ZNF532: variants seen among roughly 807,000 people sequenced by gnomAD.
ZNF532 encodes zinc finger protein 532.
A neutral mutation model predicts 89.3 loss-of-function variants in ZNF532; 22 were observed. The ratio of observed to expected loss-of-function variants is 0.25; its 90% CI spans 0.18 to 0.35. The LOEUF is 0.35. Among genes scored for constraint, ZNF532 ranks in the 10% least tolerant of loss-of-function variants. The pLI is 1.00. For missense variants in ZNF532, 1,132 were observed against 1,643.4 expected, an observed-to-expected ratio of 0.69 and a Z score of 5.38; for synonymous variants, 606 against 649.6, an observed-to-expected ratio of 0.93 and a Z score of 1.02.
chr18:58,915,703 C>T (rs2060552765), intron 2 of ZNF532, among the ~76,000 whole-genome samples: 1 of 152,226 alleles, frequency 6.6e-6, no homozygotes, highest in South Asian at 2.1e-4. Flanking sequence ...CCATATTAAC[C>T]TTCCCAGGGT....
At chr18:58,927,213 C>G (rs927264665) in intron 3 of ZNF532, among the ~76,000 whole-genome samples, 6 of 152,152 alleles carry the variant, frequency 3.9e-5, no homozygotes, top group Non-Finnish European at 7.3e-5. Flanking sequence ...TTTACCTTTG[C>G]TACTGGGCTT....
intron 7 of ZNF532, chr18:58,954,122 C>T: frequency 2.0e-6 from 2 of 1,004,026 alleles, no homozygotes; most frequent in Non-Finnish European, 2.4e-6. Flanking sequence ...TTTGAATTTA[C>T]CTCTATCCTT....
intron 2 of ZNF532, among the ~76,000 whole-genome samples, chr18:58,902,012 ACAGCGGTTTCTC>A (rs1439814120): frequency 6.6e-6 from 1 of 152,092 alleles, no homozygotes; most frequent in Non-Finnish European, 1.5e-5. Context: ...CTTCTCTCTA[ACAGCGGTTTCTC>A]CATGCCTGTT....
At chr18:58,959,206 G>A (rs1411639058) in intron 7 of ZNF532, among the ~76,000 whole-genome samples, 3 of 151,462 alleles carry the variant, frequency 2.0e-5, no homozygotes, top group Admixed American at 6.6e-5. Flanking sequence ...GCTGAATTAC[G>A]GAACTCTGGT....
intron 2 of ZNF532, chr18:58,916,594 G>A (rs191283059): frequency 7.9e-5 from 37 of 469,136 alleles, no homozygotes; most frequent in East Asian, 1.5e-4. Flanking sequence ...TCTTCAGCTC[G>A]GTATTAACCG....
intron 3 of ZNF532, among the ~76,000 whole-genome samples, chr18:58,921,177 C>T (rs2061050095): frequency 6.6e-6 from 1 of 151,212 alleles, no homozygotes; most frequent in Non-Finnish European, 1.5e-5. Flanking sequence ...TATATATATA[C>T]TAGTTGAGTT....
chr18:58,927,213 C>T (rs927264665), intron 3 of ZNF532, among the ~76,000 whole-genome samples: 1 of 152,152 alleles, frequency 6.6e-6, no homozygotes, highest in African/African-American at 2.4e-5. Flanking sequence ...TTTACCTTTG[C>T]TACTGGGCTT....
rs565154129 is a variant in ZNF532 at position 58,864,912 on chromosome 18, A to C, written c.-601A>C. ...CAGCTTCCTCCCTTCATGGCAGCCA[A>C]AAGCAGAGGAGCTTGCAGGAAGGTA... On this transcript the variant is annotated 5_prime_UTR_variant, in exon 1 of 10. Transcript: ENST00000591808. 32 of 152,396 alleles carry C rather than the reference A, an allele frequency of 2.1e-4. No individual in the cohort carries two copies. Among genetic ancestry groups the C allele is most frequent in the Admixed American group, 2.0e-3 (30 of 15,280 alleles). The allele number at this position is 152,396 out of a possible 1,614,324, so 9.4% of individuals were successfully genotyped here.
At chr18:58,893,967 T>C (rs1287021677) in intron 2 of ZNF532, among the ~76,000 whole-genome samples, 2 of 152,102 alleles carry the variant, frequency 1.3e-5, no homozygotes, top group African/African-American at 4.8e-5. Context: ...TCTGTGGTAG[T>C]GAGATAGAAG....
At chr18:58,891,110 G>A (rs1283246973) in intron 2 of ZNF532, among the ~76,000 whole-genome samples, 2 of 152,224 alleles carry the variant, frequency 1.3e-5, no homozygotes, top group East Asian at 1.9e-4. Context: ...TAGTAGAGAC[G>A]GGATTTCACC....
Position 58,948,130 on chromosome 18 carries a change from C to T in ZNF532, c.2769C>T (p.His923=), listed in dbSNP as rs775323763. ...CCCTGCAAACCTTGCTGTATCGCCA[C>T]TTTGACCAACACATTGAAAACCAGA... ...VFTLQTLLYR[H]FDQHIENQKV... is the part of the protein sequence containing the mutation. The change falls in exon 6 of 10, where the codon CAC becomes CAT. Residue 923 remains histidine, a synonymous_variant. Coordinates refer to ENST00000591808, the MANE Select transcript of ZNF532 (RefSeq NM_001375912.1). 11 of 1,613,932 alleles carry T rather than the reference C, an allele frequency of 6.8e-6. No individual in the cohort carries two copies. In the East Asian group the frequency reaches 2.5e-4, roughly 36 times the overall value.
intron 7 of ZNF532, chr18:58,954,112 T>A: frequency 9.7e-7 from 1 of 1,035,044 alleles, no homozygotes; most frequent in Non-Finnish European, 1.2e-6. Flanking sequence ...GTTAAAGACA[T>A]TTGAATTTAC....
intron 2 of ZNF532, among the ~76,000 whole-genome samples, chr18:58,900,748 G>C (rs996283926): frequency 1.3e-5 from 2 of 152,112 alleles, no homozygotes; most frequent in Non-Finnish European, 2.9e-5. Flanking sequence ...CATGCCACCT[G>C]CCTCTTTAAA....
chr18:58,943,382 G>A (rs2063378061), intron 5 of ZNF532, among the ~76,000 whole-genome samples: 1 of 151,052 alleles, frequency 6.6e-6, no homozygotes, highest in Non-Finnish European at 1.5e-5. Context: ...GGATGGTTTT[G>A]ATTTCCTGAC....
intron 2 of ZNF532, among the ~76,000 whole-genome samples, chr18:58,896,787 G>A (rs2059280161): frequency 6.6e-6 from 1 of 152,202 alleles, no homozygotes; most frequent in Non-Finnish European, 1.5e-5. Flanking sequence ...CAATCGATTG[G>A]AAGGATTAAT....
At chr18:58,874,702 TG>T (rs1568213943) in intron 2 of ZNF532, among the ~76,000 whole-genome samples, 1 of 152,228 alleles carries the variant, frequency 6.6e-6, no homozygotes, top group East Asian at 1.9e-4. Flanking sequence ...AATTTTCCAC[TG>T]AGTGGCTGTA....
intron 2 of ZNF532, among the ~76,000 whole-genome samples, chr18:58,917,112 CT>C (rs994561869): frequency 1.3e-5 from 2 of 152,160 alleles, no homozygotes; most frequent in African/African-American, 4.8e-5. Flanking sequence ...TCCCCTTTCT[CT>C]TCTCTCACTC....
chr18:58,941,250 T>G (rs1035734700), intron 5 of ZNF532, among the ~76,000 whole-genome samples: 3 of 152,286 alleles, frequency 2.0e-5, no homozygotes, highest in Admixed American at 1.3e-4. Flanking sequence ...TTGTGGGTAC[T>G]AATGTAGCCT....
At chr18:58,953,377 G>T (rs891435748) in intron 6 of ZNF532, 141 bp from the exon 7 acceptor site, 82 of 724,652 alleles carry the variant, frequency 1.1e-4, no homozygotes, top group Non-Finnish European at 1.7e-4. Flanking sequence ...TTTAGCTTAG[G>T]TTTTTTTCTT....
Sources: allele counts gnomAD v4.1 joint callset (sites outside exome capture counted in the v4.1 genomes callset), GRCh38; gene constraint gnomAD v4.1.1; transcripts MANE v1.5; gene names NCBI Gene and HGNC (gene_info 2026-07-23, HGNC 2026-07-21).